The following PTPRT variants were observed in gnomAD, a reference collection of about 807,000 sequenced individuals.
PTPRT encodes protein tyrosine phosphatase receptor type T, also known as receptor-type tyrosine-protein phosphatase T.
In PTPRT, 56 loss-of-function variants were observed where a neutral mutation model predicts 176.8. The ratio of observed to expected loss-of-function variants is 0.32; its 90% CI spans 0.26 to 0.40. The LOEUF is 0.40. Among genes scored for constraint, PTPRT ranks in the 10% least tolerant of loss-of-function variants. The pLI is 1.00. For synonymous variants in PTPRT, 783 were observed against 739.0 expected (o/e 1.06, Z -0.96); for missense variants, 1,540 against 1,908.2 (o/e 0.81, Z 3.60).
intron 9 of PTPRT, among the ~76,000 whole-genome samples, chr20:42,420,647 C>T (rs1404576216): frequency 6.6e-6 from 1 of 152,154 alleles, no homozygotes; most frequent in East Asian, 1.9e-4. Context: ...GTCTGAGCCA[C>T]TGATGTAGTC....
At chr20:42,894,092 GA>G (rs1186550511) in intron 1 of PTPRT, among the ~76,000 whole-genome samples, 1 of 151,916 alleles carries the variant, frequency 6.6e-6, no homozygotes, top group East Asian at 1.9e-4. Flanking sequence ...AACAGATGGA[GA>G]TTCTGAATCC....
At chr20:42,304,478 T>C (rs1001164453) in intron 12 of PTPRT, among the ~76,000 whole-genome samples, 1 of 152,180 alleles carries the variant, frequency 6.6e-6, no homozygotes, top group Non-Finnish European at 1.5e-5. Context: ...TCTTATAAAG[T>C]TGATACTATG....
chr20:42,277,263 C>A (rs955707427), intron 13 of PTPRT, among the ~76,000 whole-genome samples: 1 of 152,162 alleles, frequency 6.6e-6, no homozygotes, highest in Non-Finnish European at 1.5e-5. Context: ...TGCAAAGCAA[C>A]TCTGCAAATG....
At chr20:42,775,199 C>T (rs2077118127) in intron 4 of PTPRT, among the ~76,000 whole-genome samples, 1 of 152,158 alleles carries the variant, frequency 6.6e-6, no homozygotes, top group South Asian at 2.1e-4. Context: ...GCAAAAATGC[C>T]TTGACGTTAG....
chr20:42,304,498 G>A (rs969693957), intron 12 of PTPRT, among the ~76,000 whole-genome samples: 1 of 152,080 alleles, frequency 6.6e-6, no homozygotes, highest in Non-Finnish European at 1.5e-5. Context: ...GGGTGTTAAT[G>A]TTTTCCAAAA....
chr20:43,016,289 C>T (rs1310068938), intron 1 of PTPRT, among the ~76,000 whole-genome samples: 1 of 152,134 alleles, frequency 6.6e-6, no homozygotes, highest in Non-Finnish European at 1.5e-5. Flanking sequence ...CAAGCAGGAC[C>T]CTTCCTTGCT....
chr20:42,524,130 T>A (rs2072227287), intron 7 of PTPRT, among the ~76,000 whole-genome samples: 1 of 152,236 alleles, frequency 6.6e-6, no homozygotes, highest in South Asian at 2.1e-4. Context: ...TGACCAATAG[T>A]TTAGTTGTAT....
At chr20:42,688,335 A>G (rs775232041) in intron 6 of PTPRT, 2 of 152,324 alleles carry the variant, frequency 1.3e-5, no homozygotes, top group African/African-American at 4.8e-5. Context: ...CAGCTGCAGT[A>G]CAATCTGTGG....
chr20:42,900,261 G>C (rs537056494), intron 1 of PTPRT, among the ~76,000 whole-genome samples: 105 of 143,414 alleles, frequency 7.3e-4, no homozygotes, highest in African/African-American at 2.6e-3. Flanking sequence ...CACAGAGCCA[G>C]GGGGCTAAAC....
chr20:42,669,093 C>G (rs912025107), intron 7 of PTPRT, among the ~76,000 whole-genome samples: 14 of 152,144 alleles, frequency 9.2e-5, no homozygotes, highest in African/African-American at 3.1e-4. Context: ...TAGCTTTCAT[C>G]TCTCTTCCGT....
intron 19 of PTPRT, among the ~76,000 whole-genome samples, chr20:42,120,184 G>C (rs573768859): frequency 1.8e-4 from 28 of 152,308 alleles, no homozygotes; most frequent in African/African-American, 6.7e-4. Flanking sequence ...ATAGTTACTT[G>C]TGAGGTGCCT....
chr20:42,687,592 T>G (rs568180519), intron 6 of PTPRT: 2 of 152,238 alleles, frequency 1.3e-5, no homozygotes, highest in Non-Finnish European at 2.9e-5. Context: ...GTCTGTCACC[T>G]CCAAAGGAGG....
chr20:42,917,456 G>A (rs967569207), intron 1 of PTPRT, among the ~76,000 whole-genome samples: 2 of 152,086 alleles, frequency 1.3e-5, no homozygotes, highest in Non-Finnish European at 2.9e-5. Context: ...CTCTTTTTTG[G>A]TTCCATATGA....
intron 12 of PTPRT, among the ~76,000 whole-genome samples, chr20:42,304,827 C>G (rs13042981): frequency 6.6e-6 from 1 of 152,136 alleles, no homozygotes; most frequent in Non-Finnish European, 1.5e-5. Context: ...CTCAGGGCTT[C>G]TTATACAAGG....
At chr20:43,138,536 G>A (rs1001299018) in intron 1 of PTPRT, among the ~76,000 whole-genome samples, 3 of 152,190 alleles carry the variant, frequency 2.0e-5, no homozygotes, top group East Asian at 1.9e-4. Context: ...CAAAATACCC[G>A]AGGACCTTTG....
chr20:42,391,483 G>C (rs533526125), intron 9 of PTPRT, among the ~76,000 whole-genome samples: 4 of 152,132 alleles, frequency 2.6e-5, no homozygotes, highest in Non-Finnish European at 5.9e-5. Context: ...TGTGGGGCAC[G>C]GACACTACCA....
At chr20:42,507,441 G>A (rs1159830218) in intron 7 of PTPRT, among the ~76,000 whole-genome samples, 3 of 151,982 alleles carry the variant, frequency 2.0e-5, no homozygotes, top group African/African-American at 7.2e-5. Flanking sequence ...GCCGAGAAGG[G>A]AAAGCCCATC....
At chr20:42,501,385 T>C (rs115454465) in intron 7 of PTPRT, among the ~76,000 whole-genome samples, 1,848 of 152,282 alleles carry the variant, frequency 0.012, 36 homozygotes, top group African/African-American at 0.043. Flanking sequence ...TAATAAACAT[T>C]AGGAATAGTG....
intron 6 of PTPRT, among the ~76,000 whole-genome samples, chr20:42,738,813 T>C (rs2076570806): frequency 6.6e-6 from 1 of 152,190 alleles, no homozygotes; most frequent in Non-Finnish European, 1.5e-5. Context: ...GGCTCACGCC[T>C]GTAATCCCAG....
Sources: allele counts gnomAD v4.1 joint callset (sites outside exome capture counted in the v4.1 genomes callset), GRCh38; gene constraint gnomAD v4.1.1; transcripts MANE v1.5; gene names NCBI Gene and HGNC (gene_info 2026-07-23, HGNC 2026-07-21).